PLCB4: variants seen among roughly 807,000 people sequenced by gnomAD.
PLCB4 encodes the protein 1-phosphatidylinositol 4,5-bisphosphate phosphodiesterase beta-4.
Under a neutral mutation model 178.8 loss-of-function variants are expected in PLCB4, and 77 were observed. The ratio of observed to expected loss-of-function variants is 0.43; its 90% CI spans 0.36 to 0.52. PLCB4 has a LOEUF of 0.52. Ranked by LOEUF, PLCB4 falls within the 20% of genes least tolerant of loss-of-function variation. The probability of loss-of-function intolerance (pLI) is 0.00; values close to 1 mark genes in which losing one functional copy is unlikely to be tolerated. For synonymous variants in PLCB4, 496 were observed against 490.8 expected, an observed-to-expected ratio of 1.01 and a Z score of -0.14; for missense variants, 1,024 against 1,453.4, an observed-to-expected ratio of 0.70 and a Z score of 4.80.
At chr20:9,152,638 G>A (rs1279935343) in intron 2 of PLCB4, among the ~76,000 whole-genome samples, 2 of 152,188 alleles carry the variant, frequency 1.3e-5, no homozygotes, top group Non-Finnish European at 2.9e-5. Flanking sequence ...CTGCAGGGGC[G>A]GGGAACTTCA....
chr20:9,417,433 A>G (rs1028048014), intron 25 of PLCB4, among the ~76,000 whole-genome samples: 1 of 152,196 alleles, frequency 6.6e-6, no homozygotes, highest in African/African-American at 2.4e-5. Context: ...AACATTTGAT[A>G]TAAATGAATT....
At chr20:9,454,628 C>A (rs1210561678) in intron 33 of PLCB4, among the ~76,000 whole-genome samples, 2 of 152,148 alleles carry the variant, frequency 1.3e-5, no homozygotes, top group Non-Finnish European at 2.9e-5. Flanking sequence ...GAAAACTAAA[C>A]TCTGAAAACA....
chr20:9,363,407 G>T (rs148648380), intron 8 of PLCB4, among the ~76,000 whole-genome samples: 14 of 152,324 alleles, frequency 9.2e-5, no homozygotes, highest in Non-Finnish European at 1.9e-4. Flanking sequence ...TGAAAAAGAA[G>T]CCTCAGCCCC....
intron 26 of PLCB4, 74 bp from the exon 27 acceptor site, chr20:9,421,223 A>G: frequency 8.7e-7 from 1 of 1,150,328 alleles, no homozygotes; most frequent in Non-Finnish European, 1.2e-6. Flanking sequence ...AGAATTTCTT[A>G]CTTCCTGATT....
intron 2 of PLCB4, among the ~76,000 whole-genome samples, chr20:9,154,062 G>A (rs1387125476): frequency 1.3e-5 from 2 of 152,122 alleles, no homozygotes; most frequent in Non-Finnish European, 2.9e-5. Flanking sequence ...CATCTTTCTG[G>A]TCCACTATCT....
At chr20:9,402,824 G>C (rs1345595046) in intron 20 of PLCB4, among the ~76,000 whole-genome samples, 1 of 152,154 alleles carries the variant, frequency 6.6e-6, no homozygotes, top group African/African-American at 2.4e-5. Flanking sequence ...CCATTTACTG[G>C]CATGGGGAAG....
At chr20:9,470,690 C>T (rs1253517509) in intron 36 of PLCB4, among the ~76,000 whole-genome samples, 3 of 152,104 alleles carry the variant, frequency 2.0e-5, no homozygotes, top group Admixed American at 2.0e-4. Context: ...TTTGTTGTAA[C>T]TTTCTATTTT....
intron 32 of PLCB4, among the ~76,000 whole-genome samples, chr20:9,450,133 A>G (rs2042664039): frequency 6.6e-6 from 1 of 152,234 alleles, no homozygotes; most frequent in African/African-American, 2.4e-5. Flanking sequence ...TGTCCCAGTT[A>G]AGATTTACTT....
chr20:9,447,315 C>T (rs1008785452), intron 32 of PLCB4, among the ~76,000 whole-genome samples: 2 of 152,136 alleles, frequency 1.3e-5, no homozygotes, highest in Non-Finnish European at 2.9e-5. Flanking sequence ...CAGCTGTATT[C>T]ACTCATGAAT....
At chr20:9,304,830 A>G (rs141234597) in intron 3 of PLCB4, among the ~76,000 whole-genome samples, 98 of 144,238 alleles carry the variant, frequency 6.8e-4, no homozygotes, top group African/African-American at 2.5e-3. Context: ...TGCCTATGGT[A>G]TCTTTTTTCA....
chr20:9,195,201 A>T (rs1446139611), intron 2 of PLCB4, among the ~76,000 whole-genome samples: 1 of 152,174 alleles, frequency 6.6e-6, no homozygotes, highest in Non-Finnish European at 1.5e-5. Context: ...TTTGTGTGGA[A>T]CTGGGGCTTA....
In PLCB4 at chr20:9,393,691, C is replaced by G. The variant is rs753174002; in HGVS notation, c.1414+13C>G. ...GAAGTTGAAAAAAGTAAGTGAAACA[C>G]ACACATTTATAATGGAAGCATACAT... On this transcript the variant is annotated intron_variant, in intron 18 of 39. Transcript: ENST00000378473. 1.7e-4 allele frequency: 255 copies of G among 1,506,142 alleles called. No individual in the cohort carries two copies. The highest frequency in any genetic ancestry group is 2.3e-4 in the Non-Finnish European group (247 of 1,082,080). 93.3% of individuals were successfully genotyped at this position (1,506,142 alleles called of 1,614,324 possible).
At chr20:9,465,280 A>G (rs2043692432) in intron 35 of PLCB4, among the ~76,000 whole-genome samples, 1 of 152,242 alleles carries the variant, frequency 6.6e-6, no homozygotes, top group Admixed American at 6.5e-5. Context: ...GATGGAATGT[A>G]TCTCAAATTA....
At chr20:9,108,572 G>C (rs1309016147) in intron 2 of PLCB4, among the ~76,000 whole-genome samples, 5 of 151,576 alleles carry the variant, frequency 3.3e-5, no homozygotes, top group Non-Finnish European at 7.4e-5. Flanking sequence ...TATGAATTGT[G>C]AAGCATGGAA....
At chr20:9,384,170 A>G in intron 13 of PLCB4, 31 bp from the exon 14 acceptor site, 7 of 1,483,638 alleles carry the variant, frequency 4.7e-6, no homozygotes, top group Non-Finnish European at 5.7e-6. Context: ...TCAGAGCTAC[A>G]AGTGCTACTA....
chr20:9,091,305 A>T (rs866002479), intron 1 of PLCB4, among the ~76,000 whole-genome samples: 20 of 152,256 alleles, frequency 1.3e-4, no homozygotes, highest in Middle Eastern at 6.8e-3. Flanking sequence ...TATCTGGGTC[A>T]TGTGGAACCA....
rs3746549 is a variant in PLCB4 at position 9,457,374 on chromosome 20, A to G, written c.2997-40A>G. Reference sequence around the variant, plus strand: ...CAAAGACCCATGGGAATGGGAAAATATCTAATTTCTGGCATGCATTTGCAA... The same window carrying G: ...CAAAGACCCATGGGAATGGGAAAATGTCTAATTTCTGGCATGCATTTGCAA... On this transcript the variant is annotated intron_variant, in intron 33 of 39. Coordinates refer to ENST00000378473, the MANE Select transcript of PLCB4 (RefSeq NM_001377142.1). 867 of 924,172 alleles carry G rather than the reference A, an allele frequency of 9.4e-4. 10 individuals carry two copies. The East Asian group carries it at 0.02, about 21-fold the overall frequency. 57.2% of individuals were successfully genotyped at this position (924,172 alleles called of 1,614,324 possible).
At chr20:9,140,735 G>A (rs971557070) in intron 2 of PLCB4, among the ~76,000 whole-genome samples, 1 of 151,972 alleles carries the variant, frequency 6.6e-6, no homozygotes, top group African/African-American at 2.4e-5. Flanking sequence ...CTTCCACCAT[G>A]AGTAAAAGCT....
chr20:9,365,367 T>A (rs900781530), intron 8 of PLCB4, 94 bp from the exon 9 acceptor site: 1 of 752,364 alleles, frequency 1.3e-6, no homozygotes, highest in Non-Finnish European at 2.3e-6. Context: ...CCAATGTTCT[T>A]GATTTAAATG....
Sources: gnomAD v4.1 joint callset for allele counts (sites outside exome capture counted in the v4.1 genomes callset) on GRCh38, gnomAD v4.1.1 for gene constraint, MANE v1.5 for transcripts, NCBI Gene and HGNC (gene_info 2026-07-23, HGNC 2026-07-21) for gene names.